ADAMTS6: variants seen among roughly 807,000 people sequenced by gnomAD.
ADAMTS6 encodes the protein A disintegrin and metalloproteinase with thrombospondin motifs 6.
In ADAMTS6, 23 loss-of-function variants were observed where a neutral mutation model predicts 144.3. That is an observed-to-expected ratio of 0.16 (90% CI 0.11 to 0.23). The LOEUF is 0.23. ADAMTS6 is among the 10% of genes least tolerant of loss of function. The probability of loss-of-function intolerance (pLI) is 1.00; values close to 1 mark genes in which losing one functional copy is unlikely to be tolerated. For missense variants in ADAMTS6, 999 were observed against 1,379.6 expected, an observed-to-expected ratio of 0.72 and a Z score of 4.37; for synonymous variants, 444 against 457.5, an observed-to-expected ratio of 0.97 and a Z score of 0.38.
At chr5:65,264,196 TA>T (rs1193432904) in intron 12 of ADAMTS6, among the ~76,000 whole-genome samples, 1 of 152,190 alleles carries the variant, frequency 6.6e-6, no homozygotes, top group Non-Finnish European at 1.5e-5. Context: ...GCTATCACAT[TA>T]TGCCACCTTT....
intron 13 of ADAMTS6, among the ~76,000 whole-genome samples, chr5:65,261,925 A>G (rs1158826328): frequency 1.3e-5 from 2 of 149,830 alleles, no homozygotes; most frequent in Admixed American, 1.3e-4. Context: ...ATAAAAATAG[A>G]CCATCTTTTA....
intron 7 of ADAMTS6, among the ~76,000 whole-genome samples, chr5:65,358,925 A>G (rs934355262): frequency 2.0e-5 from 3 of 152,136 alleles, no homozygotes; most frequent in African/African-American, 4.8e-5. Context: ...TAAAACTACT[A>G]GAAAAAAACA....
chr5:65,435,489 T>G (rs896282719), intron 7 of ADAMTS6, among the ~76,000 whole-genome samples: 1 of 152,196 alleles, frequency 6.6e-6, no homozygotes, highest in African/African-American at 2.4e-5. Flanking sequence ...TTAATAATAC[T>G]ATAAGAATGT....
intron 20 of ADAMTS6, among the ~76,000 whole-genome samples, chr5:65,205,750 C>T (rs1204094673): frequency 6.6e-6 from 1 of 152,144 alleles, no homozygotes; most frequent in Non-Finnish European, 1.5e-5. Flanking sequence ...TGTTAGCTGT[C>T]AGGAAAGAAG....
chr5:65,393,863 C>G (rs756023785), intron 7 of ADAMTS6, among the ~76,000 whole-genome samples: 9 of 152,096 alleles, frequency 5.9e-5, no homozygotes, highest in Non-Finnish European at 1.3e-4. Flanking sequence ...AGTTCTGTTA[C>G]TTTTAGTTAG....
At chr5:65,421,602 C>T (rs1359744746) in intron 7 of ADAMTS6, among the ~76,000 whole-genome samples, 1 of 152,114 alleles carries the variant, frequency 6.6e-6, no homozygotes, top group Non-Finnish European at 1.5e-5. Context: ...TACAAGACTA[C>T]AGTAACAAAA....
At chr5:65,469,442 G>A (rs190332728) in intron 3 of ADAMTS6, among the ~76,000 whole-genome samples, 1 of 152,252 alleles carries the variant, frequency 6.6e-6, no homozygotes, top group Admixed American at 6.5e-5. Context: ...ACTAGGAATA[G>A]TATTTTTCTA....
chr5:65,438,380 T>G (rs1757612526), intron 7 of ADAMTS6, among the ~76,000 whole-genome samples: 1 of 152,028 alleles, frequency 6.6e-6, no homozygotes, highest in African/African-American at 2.4e-5. Context: ...CACAAAAAAT[T>G]AGCCAGCCGT....
chr5:65,261,648 T>C (rs1283753487), intron 13 of ADAMTS6, among the ~76,000 whole-genome samples: 2 of 152,106 alleles, frequency 1.3e-5, no homozygotes, highest in African/African-American at 4.8e-5. Flanking sequence ...GGAAGGGAAA[T>C]GGCTCAGCTT....
chr5:65,471,013 A>T lies in ADAMTS6; in HGVS notation c.227T>A (p.Ile76Asn), dbSNP rs1311465125. Reference sequence around the variant, plus strand: ...CTTAGATACTGCCTGCTGTGGATCAATAGGGTCCATACTCCGTCTTCTCCT... The same window carrying T: ...CTTAGATACTGCCTGCTGTGGATCATTAGGGTCCATACTCCGTCTTCTCCT... ...HSRRRRSMDP[I>N]DPQQAVSKLF... Residue 76 changes from isoleucine (I) to asparagine (N), a missense_variant, in exon 3 of 25, where the codon ATT becomes AAT. Physicochemically the swap from Ile to Asn is moderately radical, Grantham distance 149. This residue lies in a region of ADAMTS6 where 252 missense variants were observed against 293.7 expected (regional missense o/e 0.86). Coordinates refer to ENST00000381055, the MANE Select transcript of ADAMTS6 (RefSeq NM_197941.4). 6.2e-7 allele frequency: 1 copy of T among 1,613,238 alleles called. No homozygotes were observed. Among genetic ancestry groups the T allele is most frequent in the Admixed American group, 1.7e-5 (1 of 59,882 alleles).
chr5:65,212,420 TCTC>T (rs1756598896), intron 20 of ADAMTS6, among the ~76,000 whole-genome samples: 1 of 120,056 alleles, frequency 8.3e-6, no homozygotes, highest in Non-Finnish European at 1.8e-5. Flanking sequence ...GGCTTTTCTC[TCTC>T]TTTTTTTTTT....
chr5:65,211,122 G>A (rs1030502485), intron 20 of ADAMTS6, among the ~76,000 whole-genome samples: 2 of 151,946 alleles, frequency 1.3e-5, no homozygotes, highest in Non-Finnish European at 2.9e-5. Flanking sequence ...CTTTTTCTTG[G>A]GTCAAAGTTC....
At chr5:65,164,643 T>C (rs1277440102) in intron 24 of ADAMTS6, among the ~76,000 whole-genome samples, 1 of 150,244 alleles carries the variant, frequency 6.7e-6, no homozygotes, top group Non-Finnish European at 1.5e-5. Context: ...CTGACAGCCT[T>C]GAAGAGAGCA....
At chr5:65,340,510 C>A (rs1002668027) in intron 7 of ADAMTS6, among the ~76,000 whole-genome samples, 1 of 151,628 alleles carries the variant, frequency 6.6e-6, no homozygotes, top group Non-Finnish European at 1.5e-5. Context: ...AGAAAACCAC[C>A]CAATGGTAAA....
chr5:65,297,017 A>G (rs1742905874), intron 10 of ADAMTS6: 4 of 297,168 alleles, frequency 1.3e-5, no homozygotes, highest in South Asian at 9.2e-5. Context: ...ATAGTCATCA[A>G]TGAGTGTGAG....
At chr5:65,263,026 T>C in intron 12 of ADAMTS6, 64 bp from the exon 13 acceptor site, 1 of 1,603,178 alleles carries the variant, frequency 6.2e-7, no homozygotes, top group Admixed American at 1.7e-5. Context: ...AGGATAGAAA[T>C]ACATAAGGGT....
chr5:65,291,549 C>T (rs1372162788), intron 10 of ADAMTS6, 79 bp from the exon 11 acceptor site: 3 of 1,416,338 alleles, frequency 2.1e-6, no homozygotes, highest in East Asian at 5.1e-5. Flanking sequence ...ACGTGTTGAG[C>T]TTTGTTTTAA....
chr5:65,448,167 G>T (rs1392472914), intron 7 of ADAMTS6, among the ~76,000 whole-genome samples: 3 of 151,304 alleles, frequency 2.0e-5, no homozygotes, highest in African/African-American at 7.3e-5. Context: ...GCTCTTTGGT[G>T]TTCATTCAAT....
intron 7 of ADAMTS6, among the ~76,000 whole-genome samples, chr5:65,374,707 G>A (rs1751339759): frequency 6.6e-6 from 1 of 152,190 alleles, no homozygotes; most frequent in African/African-American, 2.4e-5. Context: ...CAGATTCAAT[G>A]CCATCCCCAT....
Sources: gnomAD v4.1 joint callset for allele counts (sites outside exome capture counted in the v4.1 genomes callset) on GRCh38, gnomAD v4.1.1 for gene constraint, gnomAD v4.1.1 regional missense constraint, MANE v1.5 for transcripts, NCBI Gene and HGNC (gene_info 2026-07-23, HGNC 2026-07-21) for gene names.